POU6F2: variants seen among roughly 807,000 people sequenced by gnomAD.
POU6F2 encodes the protein POU domain, class 6, transcription factor 2.
Under a neutral mutation model 71.3 loss-of-function variants are expected in POU6F2, and 31 were observed. The ratio of observed to expected loss-of-function variants is 0.43; its 90% confidence interval spans 0.33 to 0.59. The LOEUF (loss-of-function observed/expected upper bound fraction) is 0.59, where lower values mean the gene tolerates loss of function less well. Among genes scored for constraint, POU6F2 ranks in the 20% least tolerant of loss-of-function variants. POU6F2 has a pLI of 0.04. For missense variants in POU6F2, 783 were observed against 856.8 expected (o/e 0.91, Z 1.07); for synonymous variants, 347 against 355.7 (o/e 0.98, Z 0.27).
chr7:39,356,441 C>G (rs1786259070), intron 5 of POU6F2, among the ~76,000 whole-genome samples: 1 of 152,218 alleles, frequency 6.6e-6, no homozygotes, highest in Non-Finnish European at 1.5e-5. Context: ...GCCCAGCCCT[C>G]AACAATCACT....
At chr7:39,194,693 T>G (rs1465298432) in intron 2 of POU6F2, among the ~76,000 whole-genome samples, 1 of 152,180 alleles carries the variant, frequency 6.6e-6, no homozygotes, top group Non-Finnish European at 1.5e-5. Context: ...TTCTACGCTG[T>G]GGGATATTTG....
At chr7:39,026,657 G>A (rs372291092) in intron 1 of POU6F2, among the ~76,000 whole-genome samples, 8 of 151,996 alleles carry the variant, frequency 5.3e-5, no homozygotes, top group East Asian at 1.9e-4. Flanking sequence ...GCTAAATGAC[G>A]AGTTAATGGG....
intron 2 of POU6F2, among the ~76,000 whole-genome samples, chr7:39,124,172 G>A (rs1031183278): frequency 3.3e-5 from 5 of 149,762 alleles, no homozygotes; most frequent in Non-Finnish European, 5.9e-5. Flanking sequence ...TCAACCTCCC[G>A]AGTAGCTGGG....
intron 1 of POU6F2, among the ~76,000 whole-genome samples, chr7:39,036,678 AT>A (rs902480232): frequency 6.6e-6 from 1 of 151,814 alleles, no homozygotes; most frequent in Non-Finnish European, 1.5e-5. Flanking sequence ...AAAAAAAAAA[AT>A]CTTATGTCTT....
chr7:39,367,140 T>C (rs888941374), intron 5 of POU6F2, among the ~76,000 whole-genome samples: 28 of 152,174 alleles, frequency 1.8e-4, no homozygotes, highest in African/African-American at 6.8e-4. Flanking sequence ...TCCAAAAAAA[T>C]TGATGAATTA....
intron 8 of POU6F2, among the ~76,000 whole-genome samples, chr7:39,459,458 GTTTTGTTTTGTTTT>G (rs1788891202): frequency 2.1e-5 from 1 of 48,242 alleles, no homozygotes; most frequent in Non-Finnish European, 5.4e-5. Flanking sequence ...TGTGGGTTTT[GTTTTGTTTTGTTTT>G]GTTTTGTTTT....
intron 2 of POU6F2, among the ~76,000 whole-genome samples, chr7:39,123,554 G>C (rs1792086237): frequency 6.6e-6 from 1 of 152,204 alleles, no homozygotes; most frequent in African/African-American, 2.4e-5. Context: ...TAGAGCATCA[G>C]TTGCTTGCTA....
chr7:39,172,525 C>T (rs1793238363), intron 2 of POU6F2, among the ~76,000 whole-genome samples: 1 of 151,962 alleles, frequency 6.6e-6, no homozygotes, highest in African/African-American at 2.4e-5. Context: ...GAAAATTATA[C>T]TTGAGATTAC....
intron 2 of POU6F2, 64 bp from the exon 3 acceptor site, chr7:39,204,171 T>C: frequency 7.3e-7 from 1 of 1,366,972 alleles, no homozygotes; most frequent in Admixed American, 1.8e-5. Context: ...TGCCTTAATG[T>C]TATGTGACAT....
At chr7:39,463,263 A>T (rs1788990485) in intron 9 of POU6F2, among the ~76,000 whole-genome samples, 1 of 152,248 alleles carries the variant, frequency 6.6e-6, no homozygotes, top group African/African-American at 2.4e-5. Context: ...GACGCTTCAT[A>T]TTTTTTAAAG....
intron 4 of POU6F2, among the ~76,000 whole-genome samples, chr7:39,297,211 AC>A (rs1784866151): frequency 6.6e-6 from 1 of 151,438 alleles, no homozygotes; most frequent in Non-Finnish European, 1.5e-5. Context: ...ACACACACAC[AC>A]ACACACACAC....
chr7:39,018,341 C>T (rs73363513), intron 1 of POU6F2, among the ~76,000 whole-genome samples: 1 of 152,120 alleles, frequency 6.6e-6, no homozygotes, highest in Non-Finnish European at 1.5e-5. Context: ...GTTTGCAGAG[C>T]ATACAAGCCC....
chr7:39,451,435 A>G, intron 7 of POU6F2, 98 bp from the exon 8 acceptor site: 1 of 1,269,040 alleles, frequency 7.9e-7, no homozygotes, highest in Admixed American at 2.4e-5. Flanking sequence ...TATTCTTGGA[A>G]ATAAAATGAT....
intron 1 of POU6F2, among the ~76,000 whole-genome samples, chr7:39,000,117 C>T (rs988068093): frequency 6.6e-6 from 1 of 152,124 alleles, no homozygotes; most frequent in African/African-American, 2.4e-5. Context: ...GGACAGTGGA[C>T]AGTCAGGGGT....
chr7:39,399,084 AACTCT>A (rs1787240464), intron 5 of POU6F2, among the ~76,000 whole-genome samples: 2 of 152,074 alleles, frequency 1.3e-5, no homozygotes, highest in African/African-American at 2.4e-5. Context: ...ATTTCTGAGC[AACTCT>A]GTGCTGCCTC....
chr7:39,178,465 CAA>C (rs1226533155), intron 2 of POU6F2, among the ~76,000 whole-genome samples: 2 of 151,886 alleles, frequency 1.3e-5, no homozygotes, highest in African/African-American at 2.4e-5. Flanking sequence ...AAGTATAATA[CAA>C]ATTATATTAA....
At chr7:39,121,737 C>T (rs1282172023) in intron 2 of POU6F2, among the ~76,000 whole-genome samples, 1 of 152,098 alleles carries the variant, frequency 6.6e-6, no homozygotes, top group Non-Finnish European at 1.5e-5. Flanking sequence ...CTCACTTTGT[C>T]ACCCAGGCTG....
chr7:39,270,450 CT>C (rs1398076057), intron 4 of POU6F2, among the ~76,000 whole-genome samples: 2 of 152,306 alleles, frequency 1.3e-5, no homozygotes, highest in East Asian at 3.9e-4. Context: ...AGAGATCATG[CT>C]TTTAACACAT....
At chr7:39,055,566 A>G (rs969531129) in intron 1 of POU6F2, among the ~76,000 whole-genome samples, 1 of 152,150 alleles carries the variant, frequency 6.6e-6, no homozygotes, top group Admixed American at 6.6e-5. Flanking sequence ...AAGCTCTCCA[A>G]TTAGAAGCAA....
Sources: gnomAD v4.1 joint callset for allele counts (sites outside exome capture counted in the v4.1 genomes callset) on GRCh38, gnomAD v4.1.1 for gene constraint, MANE v1.5 for transcripts, NCBI Gene and HGNC (gene_info 2026-07-23, HGNC 2026-07-21) for gene names.